Variants in GALNT3 observed in about 807,000 individuals in gnomAD.
GALNT3 encodes the protein GalNAc transferase 3.
A neutral mutation model predicts 69.8 loss-of-function variants in GALNT3; 51 were observed. The ratio of observed to expected loss-of-function variants is 0.73; its 90% CI spans 0.58 to 0.92. The LOEUF is 0.92. Among genes scored for constraint, GALNT3 ranks in the 40% least tolerant of loss-of-function variants. The pLI, the probability that GALNT3 is intolerant of heterozygous loss-of-function variation, is 0.00. For synonymous variants in GALNT3, 265 were observed against 248.5 expected, an observed-to-expected ratio of 1.07 and a Z score of -0.63; for missense variants, 711 against 760.0, an observed-to-expected ratio of 0.94 and a Z score of 0.76.
At chr2:165,771,134 G>C (rs965376296) in intron 1 of GALNT3, 4 of 152,180 alleles carry the variant, frequency 2.6e-5, no homozygotes, top group Admixed American at 6.6e-5. Context: ...ATCTTCACTT[G>C]ATAACCAAGG....
chr2:165,786,280 A>T (rs1178579728), intron 1 of GALNT3, among the ~76,000 whole-genome samples: 7 of 152,240 alleles, frequency 4.6e-5, no homozygotes, highest in African/African-American at 1.7e-4. Flanking sequence ...CTTTTAGGCA[A>T]CAGGACTGGG....
At chr2:165,753,581 T>C (rs1688390019) in intron 9 of GALNT3, among the ~76,000 whole-genome samples, 1 of 152,006 alleles carries the variant, frequency 6.6e-6, no homozygotes, top group South Asian at 2.1e-4. Context: ...CTCATCAGAG[T>C]ATCTGGCATG....
intron 1 of GALNT3, among the ~76,000 whole-genome samples, chr2:165,790,897 C>A (rs1212662673): frequency 6.6e-6 from 1 of 152,058 alleles, no homozygotes; most frequent in African/African-American, 2.4e-5. Flanking sequence ...TATGTTTTCT[C>A]TAATAAATTT....
rs1688422938 is a variant in GALNT3, at chr2:165,755,056, A to G, written c.1400T>C (p.Phe467Ser). 1 of 1,612,080 alleles carries G rather than the reference A, an allele frequency of 6.2e-7. No individual in the cohort carries two copies. Among genetic ancestry groups the G allele is most frequent in the South Asian group, 1.1e-5 (1 of 91,042 alleles). ...DAAKIVKQKA[F>S]GDLSKRFEIK... is the part of the protein sequence containing the mutation. ...TTCAAATCTTTTTGAAAGATCACCA[A>G]ATGCTTTCTGTAGAAACATGAGAAA... The change falls in exon 8 of 11, where the codon TTT becomes TCT. Residue 467 changes from phenylalanine (F) to serine (S), a missense_variant. Physicochemically the swap from Phe to Ser is radical, Grantham distance 155. Transcript: ENST00000392701.
rs1558996279 is a variant in GALNT3 at position 165,758,852 on chromosome 2, A to C, written c.1086T>G (p.Phe362Leu). ...DETYPIKTPT[F>L]AGGLFSISKE... ...TTGATATGGAAAAAAGTCCTCCTGC[A>C]AAAGTGGGTGTTCTGAAAAATAATC... Residue 362 changes from phenylalanine to leucine, a missense_variant, in exon 6 of 11, where the codon TTT (phenylalanine) becomes TTG (leucine). Transcript: ENST00000392701. 1 of 1,597,188 alleles carries C rather than the reference A, an allele frequency of 6.3e-7. No homozygotes were observed. The highest frequency in any genetic ancestry group is 1.1e-5 in the South Asian group (1 of 90,724).
At chr2:165,782,533 G>T (rs763455194) in intron 1 of GALNT3, among the ~76,000 whole-genome samples, 2 of 152,104 alleles carry the variant, frequency 1.3e-5, no homozygotes, top group Non-Finnish European at 2.9e-5. Flanking sequence ...TAGAGATTCT[G>T]CCAGTTACCC....
At chr2:165,777,044 G>C (rs1173559162) in intron 1 of GALNT3, among the ~76,000 whole-genome samples, 1 of 152,136 alleles carries the variant, frequency 6.6e-6, no homozygotes, top group African/African-American at 2.4e-5. Flanking sequence ...GCAATTTTCT[G>C]AAGTAGTGGA....
At chr2:165,768,030 T>C (rs1382055143) in intron 2 of GALNT3, among the ~76,000 whole-genome samples, 3 of 152,090 alleles carry the variant, frequency 2.0e-5, no homozygotes, top group Non-Finnish European at 2.9e-5. Context: ...CACATCACCA[T>C]GCCCACCTAA....
chr2:165,768,787 G>A (rs1264861014), intron 2 of GALNT3, among the ~76,000 whole-genome samples: 3 of 111,870 alleles, frequency 2.7e-5, no homozygotes, highest in African/African-American at 1.0e-4. Flanking sequence ...TGCTTATCTT[G>A]TACTCTTTTT....
chr2:165,769,503 C>T (rs1383618317), intron 2 of GALNT3, among the ~76,000 whole-genome samples: 1 of 151,138 alleles, frequency 6.6e-6, no homozygotes, highest in African/African-American at 2.4e-5. Context: ...CCTGTACTCC[C>T]AGCACTTTGG....
intron 1 of GALNT3, among the ~76,000 whole-genome samples, chr2:165,787,096 T>C (rs1683238330): frequency 6.6e-6 from 1 of 152,258 alleles, no homozygotes. Flanking sequence ...AAATAGGACT[T>C]TATTTCTTTA....
At chr2:165,793,634 G>A (rs932891692) in intron 1 of GALNT3, 2 of 152,312 alleles carry the variant, frequency 1.3e-5, no homozygotes, top group African/African-American at 4.8e-5. Context: ...CCTGCTAGCC[G>A]GAGTGGAAGC....
At chr2:165,761,866 G>A (rs747739697) in intron 4 of GALNT3, 39 bp downstream of exon 4, 2 of 1,604,674 alleles carry the variant, frequency 1.2e-6, no homozygotes, top group African/African-American at 1.3e-5. Context: ...GGGAGAGGGA[G>A]GGAAAATGTT....
rs71031204 is a variant in GALNT3 at position 165,774,909 on chromosome 2, CT to C, written c.-108-4102del. On this transcript the variant is annotated intron_variant, in intron 1 of 10. Transcript: ENST00000392701. Reference sequence around the variant, plus strand: ...TTGTGAAGTATTCTTCTTCTTCTCTCTTTTTTTTTTTTTTTTTTTTTTGTAG... The same window carrying C: ...TTGTGAAGTATTCTTCTTCTTCTCTCTTTTTTTTTTTTTTTTTTTTTGTAG... 6.5e-3 allele frequency among the ~76,000 whole-genome samples: 682 copies of C among 104,318 alleles called. 3 individuals are homozygous for C. Among genetic ancestry groups the C allele is most frequent in the African/African-American group, 0.022 (583 of 26,576 alleles). 68.4% of individuals were successfully genotyped at this position (104,318 alleles called of 152,430 possible). A position where few individuals can be genotyped will look rare whatever the true frequency, so the allele number is the denominator to read the frequency against.
chr2:165,756,655 A>G (rs1045220839), intron 7 of GALNT3, among the ~76,000 whole-genome samples: 2 of 151,916 alleles, frequency 1.3e-5, no homozygotes, highest in Non-Finnish European at 2.9e-5. Flanking sequence ...AAGGCTTGGC[A>G]CTCCTGGTTT....
chr2:165,793,285 T>C lies in GALNT3; in HGVS notation c.-109+730A>G, dbSNP rs957214286. Among the ~76,000 whole-genome samples the C allele has an allele frequency of 8.5e-5, 13 of 152,210 alleles. 1 individual carries two copies. The highest frequency in any genetic ancestry group is 2.6e-4 in the Admixed American group (4 of 15,292). On this transcript the variant is annotated intron_variant, in intron 1 of 10. Coordinates refer to ENST00000392701, the MANE Select transcript of GALNT3 (RefSeq NM_004482.4). ...ATATGCAGGTCCTTAAGTCAACAGGTCCTCTAACGAGATGGTGAGTGGTTG... is the reference window on the plus strand; with the variant it reads ...ATATGCAGGTCCTTAAGTCAACAGGCCCTCTAACGAGATGGTGAGTGGTTG...
chr2:165,765,051 A>G lies in GALNT3; in HGVS notation c.521T>C (p.Ile174Thr), dbSNP rs930546061. 1 of 1,613,912 alleles carries G rather than the reference A, an allele frequency of 6.2e-7. No homozygotes were observed. Among genetic ancestry groups the G allele is most frequent in the Non-Finnish European group, 8.5e-7 (1 of 1,179,760 alleles). ...LGPDTRPPECIEQKFKRCPPL... is the reference protein window; with the variant it reads ...LGPDTRPPECTEQKFKRCPPL... ...AGGGCAGCGCTTAAATTTTTGTTCA[A>G]TACATCTAGAAGAAGTCAGAGAAGT... The change falls in exon 3 of 11, where the codon ATT becomes ACT. Residue 174 changes from isoleucine (I) to threonine (T), a missense_variant. By Grantham distance (89) the Ile-to-Thr change is moderately conservative. Transcript: ENST00000392701.
rs544569972 is a variant in GALNT3, at chr2:165,747,644, A to G, written c.*1137T>C. 1.3e-5 allele frequency: 2 copies of G among 153,074 alleles called. No individual in the cohort carries two copies. The highest frequency in any genetic ancestry group is 1.5e-5 in the Non-Finnish European group (1 of 68,524). 9.5% of individuals were successfully genotyped at this position (153,074 alleles called of 1,614,324 possible). A position where few individuals can be genotyped will look rare whatever the true frequency, so the allele number is the denominator to read the frequency against. ...ATACAAAATTTTCTAAATATTGAAC[A>G]CAGGAATTTTGCTATTCCTCATTTT... On this transcript the variant is annotated 3_prime_UTR_variant, in exon 11 of 11. Transcript: ENST00000392701.
At chr2:165,755,542 G>A (rs988663925) in intron 7 of GALNT3, among the ~76,000 whole-genome samples, 1 of 152,040 alleles carries the variant, frequency 6.6e-6, no homozygotes, top group African/African-American at 2.4e-5. Flanking sequence ...TAACCCACTG[G>A]GAGTAATTTT....
Sources: allele counts gnomAD v4.1 joint callset (sites outside exome capture counted in the v4.1 genomes callset), GRCh38; gene constraint gnomAD v4.1.1; transcripts MANE v1.5; gene names NCBI Gene and HGNC (gene_info 2026-07-23, HGNC 2026-07-21).